The following RAPGEF6 variants were observed in gnomAD, a reference collection of about 807,000 sequenced individuals.
The protein encoded by RAPGEF6 is PDZ domain containing guanine nucleotide exchange factor (GEF) 2.
RAPGEF6 carries 56 observed loss-of-function variants against 171.4 expected under a neutral mutation model. The ratio of observed to expected loss-of-function variants is 0.33; its 90% CI spans 0.26 to 0.41. The LOEUF is 0.41. Ranked by LOEUF, RAPGEF6 falls within the 10% of genes least tolerant of loss-of-function variation. RAPGEF6 has a pLI of 1.00. For missense variants in RAPGEF6, 1,674 were observed against 1,921.4 expected, an observed-to-expected ratio of 0.87 and a Z score of 2.41; for synonymous variants, 692 against 650.1, an observed-to-expected ratio of 1.06 and a Z score of -0.98.
At chr5:131,598,303 C>T (rs563668881) in intron 3 of RAPGEF6, among the ~76,000 whole-genome samples, 5 of 151,532 alleles carry the variant, frequency 3.3e-5, no homozygotes, top group African/African-American at 1.2e-4. Context: ...GAAAAAAGGA[C>T]GGGAAGATGG....
chr5:131,456,841 G>T (rs1753548210), intron 19 of RAPGEF6, among the ~76,000 whole-genome samples: 1 of 152,104 alleles, frequency 6.6e-6, no homozygotes, highest in Non-Finnish European at 1.5e-5. Flanking sequence ...CCAAACCACT[G>T]TAAGAAGGAT....
chr5:131,512,825 TCTA>T (rs1405131614), intron 7 of RAPGEF6, among the ~76,000 whole-genome samples: 2 of 152,144 alleles, frequency 1.3e-5, no homozygotes, highest in African/African-American at 2.4e-5. Context: ...ATTCTCCCCT[TCTA>T]CTCTGTGAAG....
chr5:131,558,527 C>G (rs550655135), intron 5 of RAPGEF6, among the ~76,000 whole-genome samples: 1 of 152,180 alleles, frequency 6.6e-6, no homozygotes, highest in South Asian at 2.1e-4. Flanking sequence ...CTTGTGATTA[C>G]TATTCATATG....
intron 6 of RAPGEF6, among the ~76,000 whole-genome samples, chr5:131,525,071 T>C (rs1221951544): frequency 6.6e-6 from 1 of 152,188 alleles, no homozygotes; most frequent in East Asian, 1.9e-4. Flanking sequence ...TCATCTACAA[T>C]TATGCCATAA....
At chr5:131,539,601 G>A (rs1487437058) in intron 6 of RAPGEF6, among the ~76,000 whole-genome samples, 2 of 152,090 alleles carry the variant, frequency 1.3e-5, no homozygotes, top group African/African-American at 4.8e-5. Context: ...CCATAAAAGC[G>A]AAACACACTT....
In RAPGEF6 at chr5:131,510,487, G is replaced by A. The variant is rs756663623; in HGVS notation, c.632C>T (p.Thr211Met). ...ATCTACATCTCCTACCTCACTCTCC[G>A]TAGCCTATGAAAAGAAATCTTGATC... ...SSSLSDIYQA[T>M]ESEVGDVDLT... Residue 211 changes from threonine to methionine, a missense_variant, in exon 8 of 28, where the codon ACG becomes ATG. By Grantham distance (81) the Thr-to-Met change is moderately conservative. Coordinates refer to ENST00000509018, the MANE Select transcript of RAPGEF6 (RefSeq NM_016340.6). The A allele has an allele frequency of 6.1e-5, 99 of 1,609,824 alleles. No individual in the cohort carries two copies. Among genetic ancestry groups the A allele is most frequent in the Middle Eastern group, 1.6e-4 (1 of 6,062 alleles).
At chr5:131,567,342 C>T (rs550152929) in intron 4 of RAPGEF6, among the ~76,000 whole-genome samples, 1 of 152,038 alleles carries the variant, frequency 6.6e-6, no homozygotes, top group Admixed American at 6.5e-5. Context: ...TTTGAGTATA[C>T]TCTGTTCTTT....
rs200850052 is a variant in RAPGEF6 at position 131,561,967 on chromosome 5, A to G, written c.351+11T>C. ...TATCAAAAACAATTCAGCATTCTTT[A>G]AAGTTCTTACCACAATCATTTCTGA... On this transcript the variant is annotated intron_variant, in intron 5 of 27. Transcript: ENST00000509018. 1.0e-3 allele frequency: 1,573 copies of G among 1,577,650 alleles called. 1 individual carries two copies. Among genetic ancestry groups the G allele is most frequent in the Non-Finnish European group, 1.3e-3 (1,484 of 1,153,236 alleles).
rs562665150 is a variant in RAPGEF6 at position 131,446,353 on chromosome 5, T to TTAAG, written c.3421+129_3421+130insCTTA. ...GTCTGTGATTAATTGGATCACATGA[T>TTAAG]GCTTAAGGTATGCCAGCAATCTTTT... On this transcript the variant is annotated intron_variant, in intron 22 of 27. Transcript: ENST00000509018. The TTAAG allele has an allele frequency of 4.4e-5, 36 of 817,354 alleles. No homozygotes were observed. The Admixed American group carries it at 7.7e-4, about 18-fold the overall frequency. The allele number at this position is 817,354 out of a possible 1,614,324, so 50.6% of individuals were successfully genotyped here.
intron 21 of RAPGEF6, among the ~76,000 whole-genome samples, chr5:131,452,015 G>T (rs905674300): frequency 1.3e-4 from 20 of 152,214 alleles, no homozygotes; most frequent in Admixed American, 7.2e-4. Flanking sequence ...GGCGGATCAC[G>T]AGGTCAGGAG....
At position 131,487,021 on chromosome 5, in the gene RAPGEF6, G is replaced by C. The variant is rs186346787; in HGVS notation, c.1840+2525C>G. Among the ~76,000 whole-genome samples the C allele has an allele frequency of 1.6e-4, 24 of 152,270 alleles. No individual in the cohort carries two copies. In the East Asian group the frequency reaches 4.3e-3, roughly 27 times the overall value. ...AAAGGACTGAGAATGGTTTGTTCTA[G>C]TATTGTGTCCAGAGTTGGTTCCTTC... On this transcript the variant is annotated intron_variant, in intron 15 of 27. Coordinates refer to ENST00000509018, the MANE Select transcript of RAPGEF6 (RefSeq NM_016340.6).
intron 1 of RAPGEF6, among the ~76,000 whole-genome samples, chr5:131,614,555 C>T (rs900517775): frequency 1.3e-5 from 2 of 152,160 alleles, no homozygotes; most frequent in African/African-American, 2.4e-5. Flanking sequence ...CTCACCATCA[C>T]GAGAACAGCA....
chr5:131,477,677 A>G (rs1755196179), intron 16 of RAPGEF6, among the ~76,000 whole-genome samples: 1 of 152,140 alleles, frequency 6.6e-6, no homozygotes, highest in South Asian at 2.1e-4. Flanking sequence ...AGCTGGTGAG[A>G]ATGTGATAGT....
chr5:131,540,006 C>G (rs1463173882), intron 6 of RAPGEF6, among the ~76,000 whole-genome samples: 1 of 152,084 alleles, frequency 6.6e-6, no homozygotes, highest in Non-Finnish European at 1.5e-5. Context: ...TTAAAAACCC[C>G]AATCCATAAT....
At chr5:131,623,993 G>C (rs939093032) in intron 1 of RAPGEF6, among the ~76,000 whole-genome samples, 2 of 152,284 alleles carry the variant, frequency 1.3e-5, no homozygotes, top group Non-Finnish European at 2.9e-5. Flanking sequence ...CAGAGGAGTG[G>C]AAAAGTGAGG....
intron 5 of RAPGEF6, 76 bp from the exon 6 acceptor site, chr5:131,548,266 A>G (rs2149949622): frequency 6.9e-7 from 1 of 1,442,318 alleles, no homozygotes; most frequent in Non-Finnish European, 9.5e-7. Flanking sequence ...GTCTTAACAG[A>G]CTCATAAGGA....
intron 9 of RAPGEF6, among the ~76,000 whole-genome samples, chr5:131,506,501 C>A (rs1450319381): frequency 6.6e-6 from 1 of 152,164 alleles, no homozygotes; most frequent in East Asian, 1.9e-4. Flanking sequence ...ATATCAAACC[C>A]TCTTATAAGC....
At chr5:131,623,503 G>C (rs1312039546) in intron 1 of RAPGEF6, among the ~76,000 whole-genome samples, 2 of 110,544 alleles carry the variant, frequency 1.8e-5, no homozygotes, top group African/African-American at 9.3e-5. Context: ...TTTTTTGTGA[G>C]ACAGAGTTTC....
chr5:131,523,837 C>T lies in RAPGEF6; in HGVS notation c.496-2316G>A, dbSNP rs538124297. Among the ~76,000 whole-genome samples the T allele has an allele frequency of 3.1e-3, 401 of 128,514 alleles. 3 individuals are homozygous for T. The highest frequency in any genetic ancestry group is 0.011 in the African/African-American group (386 of 35,688). The allele number at this position is 128,514 out of a possible 152,430, so 84.3% of individuals were successfully genotyped here. ...AAAACCCACCCCAAAACAAACAATCCCCCCATACCTATGCACACCAGGGTA... is the reference window on the plus strand; with the variant it reads ...AAAACCCACCCCAAAACAAACAATCTCCCCATACCTATGCACACCAGGGTA... On this transcript the variant is annotated intron_variant, in intron 6 of 27. Transcript: ENST00000509018.
Sources: allele counts gnomAD v4.1 joint callset (sites outside exome capture counted in the v4.1 genomes callset), GRCh38; gene constraint gnomAD v4.1.1; transcripts MANE v1.5; gene names NCBI Gene and HGNC (gene_info 2026-07-23, HGNC 2026-07-21).